The following EFCAB13 variants were observed in gnomAD, a reference collection of about 807,000 sequenced individuals.
EFCAB13 encodes EF-hand calcium binding domain 13, also known as EF-hand calcium-binding domain-containing protein 13.
EFCAB13 carries 91 observed loss-of-function variants against 110.2 expected under a neutral mutation model. That is an observed-to-expected ratio of 0.83 (90% confidence interval 0.70 to 0.98). EFCAB13 has a LOEUF of 0.98. Ranked by LOEUF, EFCAB13 falls within the 50% of genes least tolerant of loss-of-function variation. The pLI is 0.00. For missense variants in EFCAB13, 968 were observed against 1,119.4 expected, an observed-to-expected ratio of 0.86 and a Z score of 1.93; for synonymous variants, 323 against 369.9, an observed-to-expected ratio of 0.87 and a Z score of 1.45.
chr17:47,351,302 TGTGCGC>T (rs1218854903), intron 9 of EFCAB13, among the ~76,000 whole-genome samples: 5 of 101,580 alleles, frequency 4.9e-5, no homozygotes, highest in Non-Finnish European at 7.1e-5. Context: ...TGTGTGTGTG[TGTGCGC>T]GCGCGCGCGC....
At chr17:47,399,076 C>G (rs1447085258) in intron 17 of EFCAB13, among the ~76,000 whole-genome samples, 2 of 152,210 alleles carry the variant, frequency 1.3e-5, no homozygotes, top group African/African-American at 4.8e-5. Context: ...GTGCACAGCA[C>G]TGTGCCTGGC....
intron 14 of EFCAB13, among the ~76,000 whole-genome samples, chr17:47,390,717 A>G (rs1025554805): frequency 3.9e-5 from 6 of 152,114 alleles, no homozygotes; most frequent in African/African-American, 1.4e-4. Flanking sequence ...TGGATTGAAA[A>G]TTTTCTGCTT....
chr17:47,368,308 C>T (rs1268473000), intron 10 of EFCAB13, among the ~76,000 whole-genome samples: 1 of 152,096 alleles, frequency 6.6e-6, no homozygotes, highest in South Asian at 2.1e-4. Context: ...GGATATGGAG[C>T]AAAGAGGCAT....
chr17:47,384,308 C>T (rs1246308824), intron 14 of EFCAB13, among the ~76,000 whole-genome samples: 1 of 151,974 alleles, frequency 6.6e-6, no homozygotes, highest in East Asian at 1.9e-4. Flanking sequence ...AGCCCCTTCA[C>T]ATTTAAGGTT....
chr17:47,368,063 A>C (rs1030650914), intron 10 of EFCAB13, among the ~76,000 whole-genome samples: 1 of 152,240 alleles, frequency 6.6e-6, no homozygotes, highest in African/African-American at 2.4e-5. Flanking sequence ...CAACAAATGC[A>C]TTATTCCATA....
At chr17:47,429,990 A>T in intron 24 of EFCAB13, 29 bp downstream of exon 24, 1 of 1,561,274 alleles carries the variant, frequency 6.4e-7, no homozygotes, top group Non-Finnish European at 8.7e-7. Flanking sequence ...TCTATCTTAT[A>T]AGGACCATCC....
intron 10 of EFCAB13, among the ~76,000 whole-genome samples, chr17:47,367,957 G>T (rs1413696279): frequency 1.3e-5 from 2 of 152,222 alleles, no homozygotes; most frequent in South Asian, 2.1e-4. Flanking sequence ...ATCCAAAGGG[G>T]ATGTATGATG....
At chr17:47,383,902 T>TGAAACAAAAAA (rs1329285397) in intron 14 of EFCAB13, among the ~76,000 whole-genome samples, 3 of 152,160 alleles carry the variant, frequency 2.0e-5, no homozygotes, top group Admixed American at 6.5e-5. Context: ...TATTAATTTT[T>TGAAACAAAAAA]TGTTTCCTTG....
At chr17:47,412,623 A>G in intron 21 of EFCAB13, 150 bp from the exon 22 acceptor site, 1 of 752,150 alleles carries the variant, frequency 1.3e-6, no homozygotes. Context: ...GAAGTGGGCC[A>G]TCAGTTACAA....
rs750863087 is a variant in EFCAB13, at chr17:47,402,131, G to A, written c.1946-1G>A. 5 of 1,613,534 alleles carry A rather than the reference G, an allele frequency of 3.1e-6. No homozygotes were observed. In the East Asian group the frequency reaches 1.1e-4, roughly 36 times the overall value. On this transcript the variant is annotated splice_acceptor_variant, in intron 17 of 24. Coordinates refer to ENST00000331493, the MANE Select transcript of EFCAB13 (RefSeq NM_152347.5). LOFTEE classifies it high-confidence loss of function. ...TCTATTAAAAGTGTTTTTTCTCACAGAAGGTGACAAAGTACAATTTGAAGA... is the reference window on the plus strand; with the variant it reads ...TCTATTAAAAGTGTTTTTTCTCACAAAAGGTGACAAAGTACAATTTGAAGA...
chr17:47,347,671 A>G, intron 8 of EFCAB13, 137 bp from the exon 9 acceptor site: 1 of 590,528 alleles, frequency 1.7e-6, no homozygotes, highest in East Asian at 3.5e-5. Context: ...GGGTGGGGTA[A>G]AAAAGAAACA....
At chr17:47,372,237 A>G (rs945953306) in intron 11 of EFCAB13, among the ~76,000 whole-genome samples, 1 of 150,830 alleles carries the variant, frequency 6.6e-6, no homozygotes, top group Non-Finnish European at 1.5e-5. Flanking sequence ...TCTTTTGTGT[A>G]TTTACTGTAG....
intron 14 of EFCAB13, among the ~76,000 whole-genome samples, chr17:47,386,131 T>C (rs1454832232): frequency 2.0e-5 from 3 of 152,230 alleles, no homozygotes; most frequent in Non-Finnish European, 4.4e-5. Context: ...GGAGGCAGTC[T>C]GTCCCTTAGC....
chr17:47,346,435 C>CT lies in EFCAB13; in HGVS notation c.517+1337_517+1338insT, dbSNP rs1014058928. On this transcript the variant is annotated intron_variant, in intron 8 of 24. Transcript: ENST00000331493. ...GTCATATGTATATAACGTACTTTAC[C>CT]CCCCCCCCCATTTATCTGACATTTA... Among the ~76,000 whole-genome samples, 5 of 104,278 alleles carry CT rather than the reference C, an allele frequency of 4.8e-5. No individual in the cohort carries two copies. The East Asian group carries it at 1.5e-3, about 32-fold the overall frequency. The allele number at this position is 104,278 out of a possible 152,430, so 68.4% of individuals were successfully genotyped here. A position where few individuals can be genotyped will look rare whatever the true frequency, so the allele number is the denominator to read the frequency against.
At chr17:47,386,461 A>G in intron 14 of EFCAB13, among the ~76,000 whole-genome samples, 1 of 152,128 alleles carries the variant, frequency 6.6e-6, no homozygotes, top group East Asian at 1.9e-4. Flanking sequence ...AACAAGCCTC[A>G]GTAATGGCAG....
intron 9 of EFCAB13, among the ~76,000 whole-genome samples, chr17:47,358,266 T>C (rs1270027453): frequency 6.6e-6 from 1 of 152,100 alleles, no homozygotes; most frequent in Non-Finnish European, 1.5e-5. Flanking sequence ...CTAGGTCTCA[T>C]AGAAACTAGT....
At chr17:47,404,502 G>C in intron 19 of EFCAB13, 60 bp from the exon 20 acceptor site, 1 of 1,261,822 alleles carries the variant, frequency 7.9e-7, no homozygotes, top group Non-Finnish European at 1.1e-6. Context: ...TTTGATACTA[G>C]CCTTTAAGTA....
chr17:47,416,113 G>C (rs1429434975), intron 23 of EFCAB13, among the ~76,000 whole-genome samples: 1 of 151,976 alleles, frequency 6.6e-6, no homozygotes, highest in Non-Finnish European at 1.5e-5. Flanking sequence ...ATCAGATGTA[G>C]CTTTTAGAAT....
chr17:47,402,330 G>A (rs56195427), intron 18 of EFCAB13, 127 bp downstream of exon 18: 46,979 of 849,320 alleles, frequency 0.055, 1,626 homozygotes, highest in East Asian at 0.11. Flanking sequence ...ATGTTTATAC[G>A]CAGATGAAAC....
Sources: allele counts gnomAD v4.1 joint callset (sites outside exome capture counted in the v4.1 genomes callset), GRCh38; gene constraint gnomAD v4.1.1; transcripts MANE v1.5; gene names NCBI Gene and HGNC (gene_info 2026-07-23, HGNC 2026-07-21).